The following GALNTL6 variants were observed in gnomAD, a reference collection of about 807,000 sequenced individuals.
GALNTL6 encodes polypeptide N-acetylgalactosaminyltransferase-like 6.
Under a neutral mutation model 73.7 loss-of-function variants are expected in GALNTL6, and 46 were observed. The ratio of observed to expected loss-of-function variants is 0.62; its 90% confidence interval spans 0.49 to 0.80. The LOEUF (loss-of-function observed/expected upper bound fraction) is 0.80. GALNTL6 is among the 30% of genes least tolerant of loss of function. The pLI is 0.00. For synonymous variants in GALNTL6, 259 were observed against 263.7 expected, an observed-to-expected ratio of 0.98 and a Z score of 0.17; for missense variants, 604 against 755.0, an observed-to-expected ratio of 0.80 and a Z score of 2.34.
intron 2 of GALNTL6, among the ~76,000 whole-genome samples, chr4:171,853,599 C>CTTTTTTTT (rs35078885): frequency 5.7e-5 from 2 of 35,312 alleles, no homozygotes; most frequent in African/African-American, 1.1e-4. Flanking sequence ...TTTAGCCACT[C>CTTTTTTTT]TTTTTTTTTT....
intron 6 of GALNTL6, among the ~76,000 whole-genome samples, chr4:172,812,925 G>A (rs1437925433): frequency 6.6e-6 from 1 of 152,074 alleles, no homozygotes; most frequent in Non-Finnish European, 1.5e-5. Context: ...ATACTTTTTC[G>A]AATATGATGA....
intron 2 of GALNTL6, among the ~76,000 whole-genome samples, chr4:171,876,277 C>T (rs554006490): frequency 5.9e-5 from 9 of 152,184 alleles, no homozygotes; most frequent in East Asian, 3.9e-4. Flanking sequence ...AAACAAATTG[C>T]GTACCAATTC....
intron 5 of GALNTL6, among the ~76,000 whole-genome samples, chr4:172,743,945 G>A (rs10016145): frequency 0.51 from 77,234 of 151,904 alleles, 20,673 homozygotes; most frequent in African/African-American, 0.69. Context: ...TCATACTTCA[G>A]ATCTTTTAAG....
chr4:172,898,466 T>C (rs1841168), intron 8 of GALNTL6, among the ~76,000 whole-genome samples: 14,430 of 150,858 alleles, frequency 0.096, 1,933 homozygotes, highest in African/African-American at 0.3. Flanking sequence ...AAAAAAAAGA[T>C]CTCATAAAAT....
rs375578020 is a variant in GALNTL6 at position 172,784,361 on chromosome 4, C to T, written c.554-25000C>T. On this transcript the variant is annotated intron_variant, in intron 5 of 12. Coordinates refer to ENST00000506823, the MANE Select transcript of GALNTL6 (RefSeq NM_001034845.3). ...TATCAAAACAATAATAATTGATATG[C>T]GCAGAAGCAGTATTAAAACTTTTTC... 1.5e-4 allele frequency among the ~76,000 whole-genome samples: 23 copies of T among 152,132 alleles called. No homozygotes were observed. The East Asian group carries it at 2.7e-3, about 18-fold the overall frequency.
intron 7 of GALNTL6, among the ~76,000 whole-genome samples, chr4:172,819,103 A>T (rs1741782132): frequency 6.6e-6 from 1 of 152,228 alleles, no homozygotes; most frequent in Non-Finnish European, 1.5e-5. Flanking sequence ...TGAGATCCTT[A>T]TGAGCTGGTT....
At chr4:172,632,097 T>C (rs772730032) in intron 5 of GALNTL6, among the ~76,000 whole-genome samples, 8 of 152,258 alleles carry the variant, frequency 5.3e-5, no homozygotes, top group Non-Finnish European at 8.8e-5. Flanking sequence ...TCCCCAGCTA[T>C]GTGGAACTGT....
At chr4:172,324,663 A>G (rs1382173912) in intron 4 of GALNTL6, among the ~76,000 whole-genome samples, 2 of 151,212 alleles carry the variant, frequency 1.3e-5, no homozygotes, top group Non-Finnish European at 1.5e-5. Context: ...AATATTTACC[A>G]AAATAGAACA....
intron 2 of GALNTL6, among the ~76,000 whole-genome samples, chr4:172,094,881 G>A (rs1475664115): frequency 2.6e-5 from 4 of 151,606 alleles, no homozygotes; most frequent in African/African-American, 9.7e-5. Flanking sequence ...TTACTGTACA[G>A]CTATATCTTG....
intron 5 of GALNTL6, among the ~76,000 whole-genome samples, chr4:172,525,177 G>A (rs1734910976): frequency 6.6e-6 from 1 of 152,178 alleles, no homozygotes; most frequent in Non-Finnish European, 1.5e-5. Context: ...AAATATTGCT[G>A]TTGGATAGGC....
chr4:172,393,280 G>A (rs960033722), intron 5 of GALNTL6, among the ~76,000 whole-genome samples: 19 of 152,118 alleles, frequency 1.2e-4, no homozygotes, highest in African/African-American at 4.6e-4. Context: ...TGAGAATAAG[G>A]TATAAGCACT....
At chr4:172,643,918 C>T (rs1435865842) in intron 5 of GALNTL6, among the ~76,000 whole-genome samples, 1 of 151,818 alleles carries the variant, frequency 6.6e-6, no homozygotes, top group Non-Finnish European at 1.5e-5. Context: ...TTTCAAGGAT[C>T]ACTACTGGTC....
intron 5 of GALNTL6, among the ~76,000 whole-genome samples, chr4:172,554,950 G>C (rs1736091997): frequency 6.6e-6 from 1 of 152,108 alleles, no homozygotes; most frequent in Non-Finnish European, 1.5e-5. Context: ...GTAGGTAACA[G>C]TTACCAACAA....
At chr4:172,810,302 T>A (rs921978551) in intron 6 of GALNTL6, among the ~76,000 whole-genome samples, 8 of 152,194 alleles carry the variant, frequency 5.3e-5, no homozygotes, top group Admixed American at 1.3e-4. Context: ...AGTTCAAGCT[T>A]CATTACTTTT....
At chr4:172,003,858 C>A (rs1459449594) in intron 2 of GALNTL6, among the ~76,000 whole-genome samples, 1 of 151,980 alleles carries the variant, frequency 6.6e-6, no homozygotes, top group African/African-American at 2.4e-5. Context: ...TCAGAAGTAC[C>A]TGTATCAAAA....
intron 2 of GALNTL6, among the ~76,000 whole-genome samples, chr4:171,830,823 A>G (rs1734949352): frequency 6.6e-6 from 1 of 152,178 alleles, no homozygotes; most frequent in Admixed American, 6.6e-5. Flanking sequence ...ATAACAAAAT[A>G]TAACCATTGA....
intron 2 of GALNTL6, among the ~76,000 whole-genome samples, chr4:172,182,635 A>AGACCAAAG (rs1439248820): frequency 6.6e-6 from 1 of 151,322 alleles, no homozygotes; most frequent in Non-Finnish European, 1.5e-5. Context: ...TCCATCAAGT[A>AGACCAAAG]GACCAAAGCA....
At chr4:172,650,577 A>T (rs1429401577) in intron 5 of GALNTL6, among the ~76,000 whole-genome samples, 1 of 152,204 alleles carries the variant, frequency 6.6e-6, no homozygotes, top group African/African-American at 2.4e-5. Flanking sequence ...AATCGAATCA[A>T]TAACAAATAA....
intron 2 of GALNTL6, among the ~76,000 whole-genome samples, chr4:171,963,301 C>G (rs1739285693): frequency 6.6e-6 from 1 of 151,976 alleles, no homozygotes; most frequent in South Asian, 2.1e-4. Flanking sequence ...ACTTTCTGAT[C>G]TGTATATTTT....
Sources: allele counts gnomAD v4.1 joint callset (sites outside exome capture counted in the v4.1 genomes callset), GRCh38; gene constraint gnomAD v4.1.1; transcripts MANE v1.5; gene names NCBI Gene and HGNC (gene_info 2026-07-23, HGNC 2026-07-21).